The following PCDH15 variants were observed in gnomAD, a reference collection of about 807,000 sequenced individuals.
The protein encoded by PCDH15 is protocadherin-15.
Under a neutral mutation model 178.5 loss-of-function variants are expected in PCDH15, and 129 were observed. The observed-to-expected ratio is 0.72, with a 90% confidence interval of 0.63 to 0.84. The LOEUF is 0.84. Ranked by LOEUF, PCDH15 falls within the 40% of genes least tolerant of loss-of-function variation. The pLI is 0.00. For missense variants in PCDH15, 2,230 were observed against 2,099.9 expected, an observed-to-expected ratio of 1.06 and a Z score of -1.21; for synonymous variants, 800 against 732.0, an observed-to-expected ratio of 1.09 and a Z score of -1.50.
rs1326348173 is a variant in PCDH15, at chr10:54,097,186, GTTGA to G, written c.1918-7127_1918-7124del. ...CCAGGATTATCCTTTGTTAAATTTG[GTTGA>G]TTATGTCACTGCTATACTCAAATTT... On this transcript the variant is annotated intron_variant, in intron 15 of 37. Coordinates refer to ENST00000644397, the MANE Select transcript of PCDH15 (RefSeq NM_001384140.1). Among the ~76,000 whole-genome samples the G allele has an allele frequency of 2.0e-5, 3 of 152,214 alleles. No homozygotes were observed. The East Asian group carries it at 5.8e-4, about 29-fold the overall frequency.
At chr10:54,789,781 A>G (rs2133537842) in intron 1 of PCDH15, among the ~76,000 whole-genome samples, 1 of 152,058 alleles carries the variant, frequency 6.6e-6, no homozygotes, top group African/African-American at 2.4e-5. Context: ...TCAGTTTAAA[A>G]TTTGTAAAAA....
chr10:55,289,758 T>G lies in PCDH15; in HGVS notation c.-156+29841A>C, dbSNP rs1420054449. 2.0e-5 allele frequency among the ~76,000 whole-genome samples: 3 copies of G among 152,114 alleles called. No homozygotes were observed. In the East Asian group the frequency reaches 5.8e-4, roughly 29 times the overall value. The stretch of plus-strand genomic sequence containing the variant: ...CATGTGTTGGAAACTTAATCACTAT[T>G]GTAACAATATTAACAGGTGGGTCTT... On this transcript the variant is annotated intron_variant, in intron 1 of 5. Transcript: ENST00000458638.
chr10:54,419,532 T>C (rs1954949558), intron 3 of PCDH15, among the ~76,000 whole-genome samples: 1 of 152,124 alleles, frequency 6.6e-6, no homozygotes, highest in African/African-American at 2.4e-5. Context: ...AACTCAATCT[T>C]GTGTGTTCAA....
intron 18 of PCDH15, among the ~76,000 whole-genome samples, chr10:54,032,325 T>C (rs1018367695): frequency 1.3e-5 from 2 of 152,062 alleles, no homozygotes; most frequent in Non-Finnish European, 2.9e-5. Context: ...CTTTACCACA[T>C]GCCCTATTGC....
chr10:54,140,717 G>A (rs557342162), intron 14 of PCDH15, among the ~76,000 whole-genome samples: 13 of 147,706 alleles, frequency 8.8e-5, no homozygotes, highest in African/African-American at 1.8e-4. Flanking sequence ...TCCACTCTCC[G>A]TTGTCACCAG....
At chr10:54,361,573 C>T (rs529211343) in intron 5 of PCDH15, among the ~76,000 whole-genome samples, 1 of 151,908 alleles carries the variant, frequency 6.6e-6, no homozygotes, top group Admixed American at 6.6e-5. Flanking sequence ...AAACTAAGTC[C>T]ATTAGAAATT....
rs974682943 is a variant in PCDH15, at chr10:53,806,126, G to A, written c.*453C>T. On this transcript the variant is annotated 3_prime_UTR_variant, in exon 38 of 38. Coordinates refer to ENST00000644397, the MANE Select transcript of PCDH15 (RefSeq NM_001384140.1). Reference sequence around the variant, plus strand: ...TCATTTTAAAAATTAGGGCAGTATAGACAGCAGCTGTATAAACTCATTGCC... The same window carrying A: ...TCATTTTAAAAATTAGGGCAGTATAAACAGCAGCTGTATAAACTCATTGCC... 1.2e-4 allele frequency: 19 copies of A among 159,940 alleles called. No homozygotes were observed. The highest frequency in any genetic ancestry group is 2.2e-4 in the Non-Finnish European group (16 of 72,858). 9.9% of individuals were successfully genotyped at this position (159,940 alleles called of 1,614,324 possible).
chr10:55,088,113 C>A (rs376778168), intron 2 of PCDH15, among the ~76,000 whole-genome samples: 37 of 152,138 alleles, frequency 2.4e-4, no homozygotes, highest in African/African-American at 7.7e-4. Flanking sequence ...ACATAAACTA[C>A]TCTTGTGTTA....
intron 25 of PCDH15, among the ~76,000 whole-genome samples, chr10:53,936,042 C>T (rs2085544103): frequency 6.6e-6 from 1 of 152,072 alleles, no homozygotes; most frequent in South Asian, 2.1e-4. Context: ...CCAGATCTAA[C>T]TACTTATTTC....
intron 5 of PCDH15, among the ~76,000 whole-genome samples, chr10:54,364,091 A>G (rs1946452760): frequency 6.6e-6 from 1 of 152,012 alleles, no homozygotes; most frequent in Non-Finnish European, 1.5e-5. Context: ...GCATGCCTGT[A>G]ATTCCAGCTA....
At chr10:53,831,612 T>A (rs2077021017) in intron 29 of PCDH15, 79 bp from the exon 30 acceptor site, 1 of 1,042,352 alleles carries the variant, frequency 9.6e-7, no homozygotes, top group Non-Finnish European at 1.4e-6. Context: ...TTTTGTAAGA[T>A]CTTTCAATAT....
chr10:53,926,677 G>A (rs2084580976), intron 25 of PCDH15, among the ~76,000 whole-genome samples: 1 of 152,160 alleles, frequency 6.6e-6, no homozygotes, highest in African/African-American at 2.4e-5. Context: ...CATGTTCTAG[G>A]ATCTGAGGGC....
At chr10:54,998,006 T>A (rs569406879) in intron 2 of PCDH15, among the ~76,000 whole-genome samples, 1 of 152,162 alleles carries the variant, frequency 6.6e-6, no homozygotes, top group Admixed American at 6.5e-5. Context: ...CAGGATTTCT[T>A]GCTTCCTAGG....
intron 1 of PCDH15, among the ~76,000 whole-genome samples, chr10:54,744,901 A>G (rs1945263118): frequency 6.6e-6 from 1 of 152,110 alleles, no homozygotes; most frequent in Non-Finnish European, 1.5e-5. Flanking sequence ...TTCTTCAGCA[A>G]AAACATTTTA....
intron 2 of PCDH15, among the ~76,000 whole-genome samples, chr10:55,049,410 C>T (rs1467126247): frequency 6.6e-6 from 1 of 151,304 alleles, no homozygotes; most frequent in East Asian, 1.9e-4. Context: ...GACTGTTGAG[C>T]TACATCTCTT....
In PCDH15 at chr10:54,853,318, T is replaced by TACAC. The variant is rs1554806809; in HGVS notation, c.-29+44131_-29+44132insGTGT. Among the ~76,000 whole-genome samples, 170 of 102,018 alleles carry TACAC rather than the reference T, an allele frequency of 1.7e-3. 3 individuals carry two copies. The highest frequency in any genetic ancestry group is 7.1e-3 in the African/African-American group (165 of 23,370). The allele number at this position is 102,018 out of a possible 152,430, so 66.9% of individuals were successfully genotyped here. ...ATATATATATATATATATATATATA[T>TACAC]ACATACACACACATATACATATATA... On this transcript the variant is annotated intron_variant, in intron 3 of 5. Coordinates refer to the PCDH15 transcript ENST00000458638.
chr10:54,063,146 T>C (rs1256692371), intron 18 of PCDH15, among the ~76,000 whole-genome samples: 1 of 152,206 alleles, frequency 6.6e-6, no homozygotes, highest in African/African-American at 2.4e-5. Flanking sequence ...CATTTCAATA[T>C]ATCAGGAGTA....
intron 2 of PCDH15, among the ~76,000 whole-genome samples, chr10:55,360,656 G>A (rs546388192): frequency 6.6e-6 from 1 of 152,006 alleles, no homozygotes; most frequent in African/African-American, 2.4e-5. Flanking sequence ...AACTACAATA[G>A]GATATCTCTA....
rs74136333 is a variant in PCDH15 at position 55,039,433 on chromosome 10, C to G, written c.-80+127143G>C. ...AATGATGCAAATTCTAAGAATATTC[C>G]TCTTCCAGTAGTTAGGCATATAAAA... On this transcript the variant is annotated intron_variant, in intron 2 of 5. Coordinates refer to the PCDH15 transcript ENST00000458638. Among the ~76,000 whole-genome samples the G allele has an allele frequency of 1.6e-4, 24 of 152,154 alleles. No homozygotes were observed. In the East Asian group the frequency reaches 4.6e-3, roughly 29 times the overall value.
Sources: allele counts gnomAD v4.1 joint callset (sites outside exome capture counted in the v4.1 genomes callset), GRCh38; gene constraint gnomAD v4.1.1; transcripts MANE v1.5; gene names NCBI Gene and HGNC (gene_info 2026-07-23, HGNC 2026-07-21).